The following LRMDA variants were observed in gnomAD, a reference collection of about 807,000 sequenced individuals.
LRMDA encodes leucine rich melanocyte differentiation associated, also known as leucine-rich melanocyte differentiation-associated protein.
LRMDA carries 18 observed loss-of-function variants against 29.8 expected under a neutral mutation model. The observed-to-expected ratio is 0.60, with a 90% CI of 0.42 to 0.90. LRMDA has a LOEUF of 0.90. LRMDA is among the 40% of genes least tolerant of loss of function. The pLI is 0.00. For synonymous variants in LRMDA, 125 were observed against 109.4 expected (o/e 1.14, Z -0.89); for missense variants, 273 against 273.9 (o/e 1.00, Z 0.02).
intron 2 of LRMDA, among the ~76,000 whole-genome samples, chr10:75,681,371 T>G: frequency 6.6e-6 from 1 of 152,250 alleles, no homozygotes; most frequent in East Asian, 1.9e-4. Flanking sequence ...ATTGGTCAGC[T>G]ATTTCCACAA....
At chr10:76,512,251 C>T (rs1843015944) in intron 6 of LRMDA, among the ~76,000 whole-genome samples, 1 of 152,200 alleles carries the variant, frequency 6.6e-6, no homozygotes, top group Admixed American at 6.5e-5. Flanking sequence ...AATTAAACCT[C>T]TTTTTCTTCC....
At chr10:75,606,565 T>C (rs1840959057) in intron 2 of LRMDA, among the ~76,000 whole-genome samples, 1 of 152,188 alleles carries the variant, frequency 6.6e-6, no homozygotes, top group Non-Finnish European at 1.5e-5. Flanking sequence ...CTATTTCAAA[T>C]GTTAAAGGAC....
chr10:76,219,578 T>C (rs1259393100), intron 5 of LRMDA, among the ~76,000 whole-genome samples: 1 of 152,202 alleles, frequency 6.6e-6, no homozygotes, highest in African/African-American at 2.4e-5. Flanking sequence ...ATCCTAAATA[T>C]ATATGCACCT....
At chr10:75,472,012 C>T (rs907566006) in intron 2 of LRMDA, among the ~76,000 whole-genome samples, 18 of 152,128 alleles carry the variant, frequency 1.2e-4, no homozygotes, top group African/African-American at 4.1e-4. Flanking sequence ...TCAGGGAGAG[C>T]CAAAATCATC....
intron 2 of LRMDA, among the ~76,000 whole-genome samples, chr10:76,009,122 T>G (rs1847726790): frequency 6.6e-6 from 1 of 152,066 alleles, no homozygotes; most frequent in African/African-American, 2.4e-5. Flanking sequence ...TTACAAACAA[T>G]AACAAAGCCC....
chr10:76,421,718 A>G (rs1374987676), intron 6 of LRMDA, among the ~76,000 whole-genome samples: 14 of 152,126 alleles, frequency 9.2e-5, no homozygotes. Context: ...CATCTTTAGA[A>G]TATATGTGAT....
intron 2 of LRMDA, among the ~76,000 whole-genome samples, chr10:75,479,086 C>T (rs1844828678): frequency 6.6e-6 from 1 of 152,194 alleles, no homozygotes; most frequent in Non-Finnish European, 1.5e-5. Context: ...AGGGCTCCTT[C>T]CTGCAACAGA....
In LRMDA at chr10:76,224,190, T is replaced by C. The variant is rs141530614; in HGVS notation, c.517-100211T>C. Among the ~76,000 whole-genome samples the C allele has an allele frequency of 9.7e-4, 148 of 151,974 alleles. 3 individuals are homozygous for C. The East Asian group carries it at 0.026, about 27-fold the overall frequency. On this transcript the variant is annotated intron_variant, in intron 5 of 6. Transcript: ENST00000611255. ...TCATTATGTTAAAATTATTAATATA[T>C]TTAAATTAGTAATGAGGGAACCAGT... is the stretch of plus-strand genomic sequence containing the variant.
chr10:75,665,504 A>T (rs191176268), intron 2 of LRMDA, among the ~76,000 whole-genome samples: 2 of 152,346 alleles, frequency 1.3e-5, no homozygotes, highest in Admixed American at 6.5e-5. Context: ...GTGCACATGT[A>T]CCCTAGAACT....
chr10:75,687,065 TCTC>T (rs1842091510), intron 2 of LRMDA, among the ~76,000 whole-genome samples: 1 of 152,110 alleles, frequency 6.6e-6, no homozygotes, highest in African/African-American at 2.4e-5. Flanking sequence ...TCCCTGTCCC[TCTC>T]CTCAGGCCTC....
chr10:76,545,675 T>C lies in LRMDA; in HGVS notation c.602-11534T>C, dbSNP rs906602295. ...ATTATTATTATTATTATTATTATTG[T>C]TATTATTTAGGTATCATTAGCTTTC... is the stretch of plus-strand genomic sequence containing the variant. On this transcript the variant is annotated intron_variant, in intron 6 of 6. Coordinates refer to ENST00000611255, the MANE Select transcript of LRMDA (RefSeq NM_001305581.2). 2.1e-5 allele frequency among the ~76,000 whole-genome samples: 3 copies of C among 144,284 alleles called. No homozygotes were observed. In the East Asian group the frequency reaches 5.9e-4, roughly 28 times the overall value. 94.7% of individuals were successfully genotyped at this position (144,284 alleles called of 152,430 possible). A position where few individuals can be genotyped will look rare whatever the true frequency, so the allele number is the denominator to read the frequency against.
chr10:76,557,216 G>A lies in LRMDA; in HGVS notation c.609G>A (p.Leu203=). The A allele has an allele frequency of 6.2e-7, 1 of 1,613,858 alleles. No individual in the cohort carries two copies. The highest frequency in any genetic ancestry group is 8.5e-7 in the Non-Finnish European group (1 of 1,179,784). ...SRELTSHQGV[L]GKCRYVYYGK... ...GTGTCTTTTTATTTGCAGGTGTCCT[G>A]GGGAAGTGTCGCTACGTTTACTATG... Residue 203 remains leucine, a synonymous_variant, in exon 7 of 7, where the codon CTG becomes CTA. Transcript: ENST00000611255.
intron 5 of LRMDA, among the ~76,000 whole-genome samples, chr10:76,112,553 G>T (rs925541413): frequency 2.0e-5 from 3 of 152,260 alleles, no homozygotes; most frequent in Non-Finnish European, 4.4e-5. Flanking sequence ...GCCCGTCAGG[G>T]GGAAGGTCTC....
chr10:76,541,766 C>T (rs565700399), intron 6 of LRMDA, among the ~76,000 whole-genome samples: 3 of 152,130 alleles, frequency 2.0e-5, no homozygotes, highest in South Asian at 4.2e-4. Flanking sequence ...TAGTTTAAAA[C>T]GAGCTCTGTA....
chr10:75,516,234 T>C (rs1347019990), intron 2 of LRMDA, among the ~76,000 whole-genome samples: 1 of 152,248 alleles, frequency 6.6e-6, no homozygotes, highest in Non-Finnish European at 1.5e-5. Flanking sequence ...ATGGAATTGC[T>C]GGGTCAAATG....
chr10:75,873,571 T>C (rs1845147873), intron 2 of LRMDA, among the ~76,000 whole-genome samples: 1 of 152,190 alleles, frequency 6.6e-6, no homozygotes, highest in Non-Finnish European at 1.5e-5. Context: ...AGGTATGAGA[T>C]ATGTGGGTTA....
intron 2 of LRMDA, among the ~76,000 whole-genome samples, chr10:75,794,334 T>C (rs566635400): frequency 1.2e-4 from 19 of 152,362 alleles, no homozygotes; most frequent in African/African-American, 4.3e-4. Context: ...GAATTCATTT[T>C]CTTGTTGATG....
At chr10:75,926,524 G>A (rs368194372) in intron 2 of LRMDA, among the ~76,000 whole-genome samples, 5 of 152,230 alleles carry the variant, frequency 3.3e-5, no homozygotes, top group African/African-American at 1.2e-4. Context: ...GAGAAGCCGG[G>A]TGGCAGCCCG....
At chr10:76,161,258 A>G (rs1850642656) in intron 5 of LRMDA, among the ~76,000 whole-genome samples, 1 of 152,188 alleles carries the variant, frequency 6.6e-6, no homozygotes, top group Non-Finnish European at 1.5e-5. Context: ...CTCAAAACAG[A>G]GCCATGTGCT....
Sources: allele counts gnomAD v4.1 joint callset (sites outside exome capture counted in the v4.1 genomes callset), GRCh38; gene constraint gnomAD v4.1.1; transcripts MANE v1.5; gene names NCBI Gene and HGNC (gene_info 2026-07-23, HGNC 2026-07-21).